Variants in TSNARE1 observed in about 807,000 individuals in gnomAD.
TSNARE1 encodes the protein t-SNARE domain containing 1, also known as t-SNARE domain-containing protein 1.
A neutral mutation model predicts 62.0 loss-of-function variants in TSNARE1; 49 were observed. That is an observed-to-expected ratio of 0.79 (90% CI 0.63 to 1.00). TSNARE1 has a LOEUF of 1.00. Ranked by LOEUF, TSNARE1 falls within the 50% of genes least tolerant of loss-of-function variation. TSNARE1 has a pLI of 0.00. For synonymous variants in TSNARE1, 328 were observed against 294.4 expected (o/e 1.11, Z -1.17); for missense variants, 755 against 700.1 (o/e 1.08, Z -0.88).
intron 10 of TSNARE1, among the ~76,000 whole-genome samples, chr8:142,286,882 T>A (rs959044435): frequency 3.9e-5 from 6 of 152,188 alleles, no homozygotes; most frequent in Non-Finnish European, 5.9e-5. Context: ...CCTCAGGGAC[T>A]TGCAGGGGCC....
chr8:142,268,274 G>A (rs1001235588), intron 12 of TSNARE1, among the ~76,000 whole-genome samples: 1 of 152,230 alleles, frequency 6.6e-6, no homozygotes. Context: ...AGAGTGCAAA[G>A]GGCACGTGTG....
chr8:142,305,498 C>A (rs1288230684), intron 9 of TSNARE1, among the ~76,000 whole-genome samples: 1 of 152,090 alleles, frequency 6.6e-6, no homozygotes, highest in East Asian at 1.9e-4. Flanking sequence ...GGGGTGCGGG[C>A]CAGAGGAGAC....
intron 13 of TSNARE1, among the ~76,000 whole-genome samples, chr8:142,223,137 T>TCAC (rs1816532983): frequency 4.8e-5 from 1 of 20,874 alleles, no homozygotes; most frequent in Non-Finnish European, 1.2e-4. Flanking sequence ...CATTCACTCA[T>TCAC]TCACTCATCC....
chr8:142,292,772 C>T (rs934970395), intron 10 of TSNARE1, among the ~76,000 whole-genome samples: 1 of 152,142 alleles, frequency 6.6e-6, no homozygotes, highest in Non-Finnish European at 1.5e-5. Context: ...CTACTCCAGG[C>T]TGCACCAGAC....
At chr8:142,259,878 C>T (rs986341247) in intron 12 of TSNARE1, among the ~76,000 whole-genome samples, 16 of 152,280 alleles carry the variant, frequency 1.1e-4, no homozygotes, top group African/African-American at 2.9e-4. Context: ...GGGGATGCCT[C>T]GTAGCAAACC....
intron 13 of TSNARE1, among the ~76,000 whole-genome samples, chr8:142,214,392 C>G (rs1028352040): frequency 6.6e-6 from 1 of 152,226 alleles, no homozygotes; most frequent in Admixed American, 6.5e-5. Context: ...TCCCCGCCAC[C>G]CCGGATTTGG....
intron 1 of TSNARE1, among the ~76,000 whole-genome samples, chr8:142,377,625 C>T (rs1836440859): frequency 6.6e-6 from 1 of 152,206 alleles, no homozygotes; most frequent in Non-Finnish European, 1.5e-5. Context: ...CACCTGCCAT[C>T]GGGTTAGTGC....
chr8:142,344,867 C>A (rs1833148080), intron 3 of TSNARE1, among the ~76,000 whole-genome samples: 1 of 152,224 alleles, frequency 6.6e-6, no homozygotes, highest in Non-Finnish European at 1.5e-5. Flanking sequence ...CGCCTGGGGA[C>A]AGCCTTGCCA....
At chr8:142,387,148 A>C (rs1837166973) in intron 1 of TSNARE1, among the ~76,000 whole-genome samples, 1 of 152,214 alleles carries the variant, frequency 6.6e-6, no homozygotes, top group African/African-American at 2.4e-5. Context: ...GAATAGTAAC[A>C]AAATCAGGAA....
intron 6 of TSNARE1, among the ~76,000 whole-genome samples, chr8:142,328,249 T>C (rs1216580952): frequency 6.6e-6 from 1 of 152,232 alleles, no homozygotes; most frequent in African/African-American, 2.4e-5. Flanking sequence ...AGCTGTTAGA[T>C]ATAAGGGAGT....
At position 142,291,191 on chromosome 8, in the gene TSNARE1, T is replaced by TG. The variant is rs973894791; in HGVS notation, c.1291-6707dup. On this transcript the variant is annotated intron_variant, in intron 10 of 13. Transcript: ENST00000524325. The surrounding 1 kb of genome is among the most constrained non-coding windows in gnomAD (Gnocchi z 4.8). The stretch of plus-strand genomic sequence containing the variant: ...CTGGCTCTGGACCTGCGGGTGGCCT[T>TG]GGAGACAAATCCCACCACCCTCATC... Among the ~76,000 whole-genome samples the TG allele has an allele frequency of 3.3e-5, 5 of 151,974 alleles. No homozygotes were observed. The highest frequency in any genetic ancestry group is 1.2e-4 in the African/African-American group (5 of 41,446).
At chr8:142,368,729 C>G (rs1006220901) in intron 1 of TSNARE1, among the ~76,000 whole-genome samples, 1 of 152,126 alleles carries the variant, frequency 6.6e-6, no homozygotes, top group Non-Finnish European at 1.5e-5. Flanking sequence ...AGACGGCAGA[C>G]GGGCGGCCCT....
chr8:142,271,307 C>G, intron 12 of TSNARE1: 1 of 1,110,040 alleles, frequency 9.0e-7, no homozygotes. Context: ...CAGACGCTGG[C>G]TCTGCTCGGC....
In TSNARE1 at chr8:142,354,704, G is replaced by C; in HGVS notation, c.21C>G (p.Ala7=). The change falls in exon 2 of 14, where the codon GCC becomes GCG. Residue 7 remains alanine (A), a synonymous_variant. Coordinates refer to ENST00000524325, the MANE Select transcript of TSNARE1 (RefSeq NM_145003.5). ...CACGGCTCCCCAGGCCACCTCCACG[G>C]GCGATGGATCCGTATGACATCTTCT... MSYGSI[A]RGGGLGSRGP... 1 of 1,613,588 alleles carries C rather than the reference G, an allele frequency of 6.2e-7. No individual in the cohort carries two copies. Among genetic ancestry groups the C allele is most frequent in the Non-Finnish European group, 8.5e-7 (1 of 1,179,836 alleles).
At chr8:142,271,660 C>A in intron 12 of TSNARE1, 1 of 1,396,878 alleles carries the variant, frequency 7.2e-7, no homozygotes, top group Non-Finnish European at 9.3e-7. Context: ...GGGGCAGCCA[C>A]AAGCAGCTGG....
intron 11 of TSNARE1, among the ~76,000 whole-genome samples, chr8:142,279,059 C>T (rs1023693845): frequency 2.0e-5 from 3 of 152,248 alleles, no homozygotes; most frequent in African/African-American, 7.2e-5. Context: ...GGTAGCTGTA[C>T]GCTGGGGCTC....
intron 12 of TSNARE1, among the ~76,000 whole-genome samples, chr8:142,242,925 C>T (rs1005796985): frequency 3.2e-5 from 3 of 92,350 alleles, no homozygotes; most frequent in Non-Finnish European, 5.8e-5. Flanking sequence ...TCAGCCTGGG[C>T]AACAAGAGTG....
At chr8:142,376,296 G>A (rs1238599709) in intron 1 of TSNARE1, among the ~76,000 whole-genome samples, 2 of 152,216 alleles carry the variant, frequency 1.3e-5, no homozygotes, top group Non-Finnish European at 2.9e-5. Context: ...CCGCAAGGGC[G>A]ACCCTGGGGC....
intron 9 of TSNARE1, 138 bp from the exon 10 acceptor site, chr8:142,300,782 C>CGACGATCTGGGTCTGAGGT: frequency 1.8e-6 from 2 of 1,104,882 alleles, no homozygotes; most frequent in Non-Finnish European, 2.5e-6. Flanking sequence ...GGGTCTGAGG[C>CGACGATCTGGGTCTGAGGT]GGGGGCCTTC....
Sources: allele counts gnomAD v4.1 joint callset (sites outside exome capture counted in the v4.1 genomes callset), GRCh38; gene constraint gnomAD v4.1.1; non-coding constraint Gnocchi (gnomAD v3.1); transcripts MANE v1.5; gene names NCBI Gene and HGNC (gene_info 2026-07-23, HGNC 2026-07-21).